CCDC82: variants seen among roughly 807,000 people sequenced by gnomAD.
CCDC82 encodes the protein coiled-coil domain containing 82, also known as coiled-coil domain-containing protein 82.
In CCDC82, 47 loss-of-function variants were observed where a neutral mutation model predicts 60.6. The observed-to-expected ratio is 0.77, with a 90% CI of 0.61 to 0.99. CCDC82 has a LOEUF of 0.99. Ranked by LOEUF, CCDC82 falls within the 50% of genes least tolerant of loss-of-function variation. The pLI is 0.00. For synonymous variants in CCDC82, 212 were observed against 207.4 expected (o/e 1.02, Z -0.19); for missense variants, 588 against 633.0 (o/e 0.93, Z 0.76).
At chr11:96,388,353 T>A (rs1866321727) in intron 1 of CCDC82, 1 of 152,180 alleles carries the variant, frequency 6.6e-6, no homozygotes, top group Non-Finnish European at 1.5e-5. Flanking sequence ...GAAATGAGAA[T>A]TTTATCGAGC....
At chr11:96,355,284 TC>T (rs1864287659) in intron 9 of CCDC82, 1 of 152,152 alleles carries the variant, frequency 6.6e-6, no homozygotes, top group African/African-American at 2.4e-5. Flanking sequence ...GGCCTTGAAC[TC>T]CTGGGCTCAG....
intron 5 of CCDC82, among the ~76,000 whole-genome samples, chr11:96,374,896 T>C (rs918605817): frequency 1.3e-5 from 2 of 152,124 alleles, no homozygotes; most frequent in Non-Finnish European, 2.9e-5. Flanking sequence ...TTGTAATTTA[T>C]TTACATTGCC....
chr11:96,358,656 T>C (rs1864467261), intron 9 of CCDC82: 1 of 1,261,960 alleles, frequency 7.9e-7, no homozygotes. Flanking sequence ...AGGTGAGTCC[T>C]ATACTCTGTC....
intron 9 of CCDC82, chr11:96,358,367 G>A (rs774218484): frequency 6.7e-5 from 82 of 1,217,420 alleles, no homozygotes; most frequent in Non-Finnish European, 7.5e-5. Flanking sequence ...GCAGATCTTC[G>A]GGAATCCAGT....
intron 8 of CCDC82, among the ~76,000 whole-genome samples, chr11:96,359,629 A>C (rs1864529251): frequency 7.1e-6 from 1 of 140,978 alleles, no homozygotes; most frequent in Admixed American, 7.3e-5. Context: ...GAAAGGCAGA[A>C]GGATGGGCAA....
At position 96,353,613 on chromosome 11, in the gene CCDC82, G is replaced by A. The variant is rs200783273; in HGVS notation, c.*33C>T. 5 of 1,467,584 alleles carry A rather than the reference G, an allele frequency of 3.4e-6. No homozygotes were observed. The East Asian group carries it at 1.1e-4, about 33-fold the overall frequency. 90.9% of individuals were successfully genotyped at this position (1,467,584 alleles called of 1,614,324 possible). ...AAGAATCATGATCTTCACATTTACA[G>A]GAATTTAAAAAATCTTCTCTGATGG... On this transcript the variant is annotated 3_prime_UTR_variant, in exon 10 of 10. Coordinates refer to ENST00000646818, the MANE Select transcript of CCDC82 (RefSeq NM_024725.4).
Position 96,382,957 on chromosome 11 carries a change from T to C in CCDC82, c.991+312A>G, listed in dbSNP as rs568156112. 28 of 216,882 alleles carry C rather than the reference T, an allele frequency of 1.3e-4. 1 individual carries two copies. The South Asian group carries it at 3.3e-3, about 26-fold the overall frequency. 13.4% of individuals were successfully genotyped at this position (216,882 alleles called of 1,614,324 possible). A position where few individuals can be genotyped will look rare whatever the true frequency, so the allele number is the denominator to read the frequency against. ...CATAAAATTGTTATTTACATTAATGTAATAAATTTACTAAGGATTATTTTA... is the reference window on the plus strand; with the variant it reads ...CATAAAATTGTTATTTACATTAATGCAATAAATTTACTAAGGATTATTTTA... On this transcript the variant is annotated intron_variant, in intron 5 of 9. Transcript: ENST00000646818.
intron 9 of CCDC82, chr11:96,358,666 CAAAAAAA>C: frequency 1.5e-5 from 16 of 1,084,712 alleles, no homozygotes; most frequent in Non-Finnish European, 1.8e-5. Flanking sequence ...TATACTCTGT[CAAAAAAA>C]AAAAAAAAAA....
At chr11:96,364,882 GTTTCCACTTGGGTCAAA>G in intron 8 of CCDC82, 81 bp downstream of exon 8, 1 of 1,110,286 alleles carries the variant, frequency 9.0e-7, no homozygotes, top group Non-Finnish European at 1.3e-6. Flanking sequence ...TGCTAAAAAT[GTTTCCACTTGGGTCAAA>G]TTTTCCTTAG....
chr11:96,359,642 TAA>T (rs139619843), intron 8 of CCDC82, among the ~76,000 whole-genome samples: 40,503 of 81,370 alleles, frequency 0.5, 6,422 homozygotes, highest in Middle Eastern at 0.53. Flanking sequence ...ATGGGCAAAG[TAA>T]AAAAAAAAAA....
intron 3 of CCDC82, 103 bp downstream of exon 3, chr11:96,386,151 G>A (rs1371680592): frequency 6.6e-6 from 1 of 152,252 alleles, no homozygotes; most frequent in Non-Finnish European, 1.5e-5. Context: ...TTAAGAAGAT[G>A]AGAATTAACT....
chr11:96,368,826 A>C (rs1013591594), intron 7 of CCDC82, among the ~76,000 whole-genome samples: 1 of 150,890 alleles, frequency 6.6e-6, no homozygotes, highest in Non-Finnish European at 1.5e-5. Context: ...AGATTGCGCC[A>C]CTGCACTCCA....
At chr11:96,374,054 T>C (rs1244192255) in intron 5 of CCDC82, among the ~76,000 whole-genome samples, 1 of 152,210 alleles carries the variant, frequency 6.6e-6, no homozygotes, top group Non-Finnish European at 1.5e-5. Context: ...CATGACATCA[T>C]CTGTTGTGAC....
chr11:96,376,426 TTTTC>T (rs1374840382), intron 5 of CCDC82, among the ~76,000 whole-genome samples: 2 of 146,222 alleles, frequency 1.4e-5, no homozygotes, highest in South Asian at 2.1e-4. Context: ...CAAGCCGTGC[TTTTC>T]TTTTTTTTTT....
At position 96,387,511 on chromosome 11, in the gene CCDC82, T is replaced by TA. The variant is rs1287878511; in HGVS notation, c.-55+18dup. On this transcript the variant is annotated intron_variant, in intron 2 of 9. Transcript: ENST00000646818. ...TGTGTAAATATCAAAGCCAAGGACA[T>TA]AGAGTTTAAATGACTTACCGAAGAT... is the stretch of plus-strand genomic sequence containing the variant. 7 of 152,174 alleles carry TA rather than the reference T, an allele frequency of 4.6e-5. No individual in the cohort carries two copies. Among genetic ancestry groups the TA allele is most frequent in the African/African-American group, 1.4e-4 (6 of 41,432 alleles). 9.4% of individuals were successfully genotyped at this position (152,174 alleles called of 1,614,324 possible). A position where few individuals can be genotyped will look rare whatever the true frequency, so the allele number is the denominator to read the frequency against.
intron 5 of CCDC82, among the ~76,000 whole-genome samples, chr11:96,375,964 G>C (rs1228712961): frequency 6.6e-6 from 1 of 152,120 alleles, no homozygotes; most frequent in East Asian, 1.9e-4. Flanking sequence ...TCCCTATATT[G>C]AATGAGCTTC....
At chr11:96,374,764 C>A (rs967330689) in intron 5 of CCDC82, among the ~76,000 whole-genome samples, 1 of 152,068 alleles carries the variant, frequency 6.6e-6, no homozygotes. Context: ...CCTCCTCCTA[C>A]TCTCCACCCT....
At chr11:96,371,196 T>C (rs1006968168) in intron 6 of CCDC82, 59 bp from the exon 7 acceptor site, 5 of 1,178,414 alleles carry the variant, frequency 4.2e-6, no homozygotes, top group Non-Finnish European at 5.6e-6. Flanking sequence ...ATTTAAACTA[T>C]TTAATACTTA....
chr11:96,374,753 CCCT>C (rs1425911513), intron 5 of CCDC82, among the ~76,000 whole-genome samples: 2 of 152,048 alleles, frequency 1.3e-5, no homozygotes, highest in African/African-American at 4.8e-5. Flanking sequence ...CTGCTTCTCT[CCCT>C]CCTCCTACTC....
Sources: gnomAD v4.1 joint callset for allele counts (sites outside exome capture counted in the v4.1 genomes callset) on GRCh38, gnomAD v4.1.1 for gene constraint, MANE v1.5 for transcripts, NCBI Gene and HGNC (gene_info 2026-07-23, HGNC 2026-07-21) for gene names.